Variants in TSC2 observed in about 807,000 individuals in gnomAD.
TSC2 encodes the protein tuberin.
TSC2 carries 29 observed loss-of-function variants against 202.2 expected under a neutral mutation model. The observed-to-expected ratio is 0.14, with a 90% CI of 0.11 to 0.20. TSC2 has a LOEUF of 0.20. TSC2 is among the 10% of genes least tolerant of loss of function. The probability of loss-of-function intolerance (pLI) is 1.00; values close to 1 mark genes in which losing one functional copy is unlikely to be tolerated. For synonymous variants in TSC2, 1,349 were observed against 1,044.0 expected, an observed-to-expected ratio of 1.29 and a Z score of -5.63; for missense variants, 2,429 against 2,420.0, an observed-to-expected ratio of 1.00 and a Z score of -0.08.
intron 16 of TSC2, among the ~76,000 whole-genome samples, chr16:2,070,192 C>G (rs1170989336): frequency 2.0e-5 from 3 of 152,204 alleles, no homozygotes; most frequent in Non-Finnish European, 4.4e-5. Flanking sequence ...TCTGCCCTGT[C>G]TGCCACGCAG....
intron 8 of TSC2, 115 bp downstream of exon 8, chr16:2,056,884 T>C: frequency 6.5e-7 from 1 of 1,530,216 alleles, no homozygotes. Context: ...CAATGGCCTG[T>C]TGAGGGACGG....
At position 2,076,535 on chromosome 16, in the gene TSC2, G is replaced by T. The variant is rs968144525; in HGVS notation, c.2787G>T (p.Glu929Asp). ...TCTTGTCTTTTGATGACACCCCCGA[G>T]AAGGACAGCTTCAGGGCCCGGAGTA... ...NVLLSFDDTP[E>D]KDSFRARSTS... Residue 929 changes from glutamate to aspartate, a missense_variant, in exon 25 of 42, where the codon GAG becomes GAT. Coordinates refer to ENST00000219476, the MANE Select transcript of TSC2 (RefSeq NM_000548.5). 2 of 1,613,468 alleles carry T rather than the reference G, an allele frequency of 1.2e-6. No homozygotes were observed. Among genetic ancestry groups the T allele is most frequent in the Non-Finnish European group, 1.7e-6 (2 of 1,180,006 alleles).
chr16:2,074,304 C>T lies in TSC2; in HGVS notation c.2460C>T (p.Ile820=), dbSNP rs2151352359. ...GCGTGGAGATGCCTGACATCATCATCAAGGCGCTGCCTGTTCTGGTGGTGA... is the reference window on the plus strand; with the variant it reads ...GCGTGGAGATGCCTGACATCATCATTAAGGCGCTGCCTGTTCTGGTGGTGA... ...ICSVEMPDII[I]KALPVLVVKL... Residue 820 remains isoleucine (I), a synonymous_variant, in exon 22 of 42, where the codon ATC becomes ATT. Coordinates refer to ENST00000219476, the MANE Select transcript of TSC2 (RefSeq NM_000548.5). 1 of 1,613,194 alleles carries T rather than the reference C, an allele frequency of 6.2e-7. No individual in the cohort carries two copies. Among genetic ancestry groups the T allele is most frequent in the South Asian group, 1.1e-5 (1 of 91,074 alleles).
rs866551237 is a variant in TSC2 at position 2,080,432 on chromosome 16, G to A, written c.3610+55G>A. 3.1e-5 allele frequency: 50 copies of A among 1,595,716 alleles called. No homozygotes were observed. The Middle Eastern group carries it at 1.1e-3, about 36-fold the overall frequency. On this transcript the variant is annotated intron_variant, in intron 30 of 41. Coordinates refer to ENST00000219476, the MANE Select transcript of TSC2 (RefSeq NM_000548.5). Reference sequence around the variant, plus strand: ...CTTTCTGCCAGTCACCCACAGAGCTGTGGACACTCAGGGGCGATTGCAGAC... The same window carrying A: ...CTTTCTGCCAGTCACCCACAGAGCTATGGACACTCAGGGGCGATTGCAGAC...
Position 2,079,446 on chromosome 16 carries a change from T to G in TSC2, c.3284+18T>G, listed in dbSNP as rs1280873987. On this transcript the variant is annotated intron_variant, in intron 28 of 41. Coordinates refer to ENST00000219476, the MANE Select transcript of TSC2 (RefSeq NM_000548.5). The surrounding 1 kb of genome is among the most constrained non-coding windows in gnomAD (Gnocchi z 4.6). ...GAGTCGAGGTGACTGCACCTTCCTT[T>G]CCTCCGCGCCTGCCAGCCTCGACAC... 2 of 1,612,458 alleles carry G rather than the reference T, an allele frequency of 1.2e-6. No individual in the cohort carries two copies. The highest frequency in any genetic ancestry group is 2.2e-5 in the East Asian group (1 of 44,878).
At position 2,084,566 on chromosome 16, in the gene TSC2, C is replaced by T. The variant is rs2090523818; in HGVS notation, c.4344C>T (p.Ser1448=). The part of the protein sequence containing the change: ...RGQPEGPLPS[S]SPRSPSGLRP... Reference sequence around the variant, plus strand: ...AGCCCGAGGGTCCCTTGCCTTCCAGCTCCCCCCGCTCGCCCAGTGGCCTCC... The same window carrying T: ...AGCCCGAGGGTCCCTTGCCTTCCAGTTCCCCCCGCTCGCCCAGTGGCCTCC... The change falls in exon 34 of 42, where the codon AGC becomes AGT. Residue 1448 remains serine (S), a synonymous_variant. Transcript: ENST00000219476. 1.9e-6 allele frequency: 3 copies of T among 1,607,934 alleles called. No homozygotes were observed. Among genetic ancestry groups the T allele is most frequent in the Non-Finnish European group, 2.5e-6 (3 of 1,179,666 alleles).
At chr16:2,056,336 G>A in intron 7 of TSC2, 92 bp downstream of exon 7, 1 of 1,555,118 alleles carries the variant, frequency 6.4e-7, no homozygotes, top group Non-Finnish European at 8.8e-7. Flanking sequence ...CCACCTGCTG[G>A]CTGTGTAGCC....
intron 1 of TSC2, 191 bp from the exon 2 acceptor site, chr16:2,048,396 G>T: frequency 2.3e-6 from 2 of 854,214 alleles, no homozygotes; most frequent in Middle Eastern, 2.4e-4. Context: ...ACCAGGCCTG[G>T]TGTCTCCCGG....
chr16:2,077,820 C>A, intron 26 of TSC2, 94 bp downstream of exon 26: 1 of 1,584,100 alleles, frequency 6.3e-7, no homozygotes, highest in African/African-American at 1.3e-5. Flanking sequence ...ATGACCTCAT[C>A]GTCTGCCCGT....
chr16:2,079,549 C>T lies in TSC2; in HGVS notation c.3285-8C>T, dbSNP rs751418785. The T allele has an allele frequency of 1.2e-6, 2 of 1,608,682 alleles. No homozygotes were observed. The highest frequency in any genetic ancestry group is 1.1e-5 in the South Asian group (1 of 90,386). On this transcript the variant is annotated splice_region_variant and splice_polypyrimidine_tract_variant and intron_variant, in intron 28 of 41. Transcript: ENST00000219476. The surrounding 1 kb of genome is among the most constrained non-coding windows in gnomAD (Gnocchi z 4.6). ...AAGTCCACCCTGTGCGTGGGATTCTCTTCTCAGCTCCAGCCCCGGGGTGCA... is the reference window on the plus strand; with the variant it reads ...AAGTCCACCCTGTGCGTGGGATTCTTTTCTCAGCTCCAGCCCCGGGGTGCA...
In TSC2 at chr16:2,051,302, G is replaced by A. The variant is rs184122266; in HGVS notation, c.225+816G>A. ...CCCACTGCACTCCAGTCTGGGTGACGGAGCAAGACTCTGTCTCAAAAAAAA... is the reference window on the plus strand; with the variant it reads ...CCCACTGCACTCCAGTCTGGGTGACAGAGCAAGACTCTGTCTCAAAAAAAA... On this transcript the variant is annotated intron_variant, in intron 3 of 41. Coordinates refer to ENST00000219476, the MANE Select transcript of TSC2 (RefSeq NM_000548.5). Among the ~76,000 whole-genome samples the A allele has an allele frequency of 1.7e-3, 253 of 151,526 alleles. 2 individuals carry two copies. Among genetic ancestry groups the A allele is most frequent in the Admixed American group, 4.4e-3 (67 of 15,222 alleles).
At chr16:2,073,242 G>A (rs1294232532) in intron 21 of TSC2, among the ~76,000 whole-genome samples, 3 of 152,188 alleles carry the variant, frequency 2.0e-5, no homozygotes, top group South Asian at 2.1e-4. Context: ...TCTGTAGAGC[G>A]TTGCCTGGCT....
chr16:2,064,242 C>T (rs377511786), intron 14 of TSC2, 30 bp from the exon 15 acceptor site: 22 of 1,613,648 alleles, frequency 1.4e-5, no homozygotes, highest in South Asian at 2.2e-5. Context: ...GTTGGGCTGG[C>T]GCTCATTGGC....
chr16:2,083,650 C>G (rs745642796), intron 32 of TSC2, 45 bp from the exon 33 acceptor site: 2 of 1,556,520 alleles, frequency 1.3e-6, no homozygotes, highest in Non-Finnish European at 1.7e-6. Context: ...AGGGCCAGGG[C>G]CTGGCCCAGC....
chr16:2,070,802 C>T (rs1280587854), intron 17 of TSC2, among the ~76,000 whole-genome samples: 2 of 152,216 alleles, frequency 1.3e-5, no homozygotes, highest in South Asian at 2.1e-4. Context: ...CGCACGGTGA[C>T]ATGGGTTGGG....
In TSC2 at chr16:2,088,738, G is replaced by C; in HGVS notation, c.*128G>C. 4 of 1,315,304 alleles carry C rather than the reference G, an allele frequency of 3.0e-6. No individual in the cohort carries two copies. The highest frequency in any genetic ancestry group is 2.5e-5 in the East Asian group (1 of 39,558). The allele number at this position is 1,315,304 out of a possible 1,614,324, so 81.5% of individuals were successfully genotyped here. ...GTCAGACAGCTCTTTTATTGACTTT[G>C]TCTGCTTGGTGCGGGGGTTGGGGGG... is the stretch of plus-strand genomic sequence containing the variant. On this transcript the variant is annotated 3_prime_UTR_variant, in exon 42 of 42. Coordinates refer to ENST00000219476, the MANE Select transcript of TSC2 (RefSeq NM_000548.5).
chr16:2,068,502 GCAGA>G (rs2087722224), intron 16 of TSC2: 1 of 152,316 alleles, frequency 6.6e-6, no homozygotes, highest in East Asian at 1.9e-4. Context: ...CTTGCTGATA[GCAGA>G]CAGTCTATTA....
chr16:2,056,224 G>A lies in TSC2; in HGVS notation c.628G>A (p.Ala210Thr), dbSNP rs147196739. The change falls in exon 7 of 42, where the codon GCG becomes ACG. Residue 210 changes from alanine to threonine, a missense_variant. Transcript: ENST00000219476. ...QMICLLCVRTASSVDIEVSLQ... is the reference protein window; with the variant it reads ...QMICLLCVRTTSSVDIEVSLQ... ...GATCTGTCTGCTGTGCGTCCGGACC[G>A]CGTCCTCTGTGGACATAGAGGTCAG... 1.9e-4 allele frequency: 307 copies of A among 1,613,894 alleles called. 1 individual carries two copies. The African/African-American group carries it at 2.7e-3, about 14-fold the overall frequency.
chr16:2,067,290 T>C (rs2087525638), intron 16 of TSC2, among the ~76,000 whole-genome samples: 1 of 151,998 alleles, frequency 6.6e-6, no homozygotes. Context: ...GCCTCCCAAG[T>C]AGCTGGGACC....
Sources: allele counts gnomAD v4.1 joint callset (sites outside exome capture counted in the v4.1 genomes callset), GRCh38; gene constraint gnomAD v4.1.1; non-coding constraint Gnocchi (gnomAD v3.1); transcripts MANE v1.5; gene names NCBI Gene and HGNC (gene_info 2026-07-23, HGNC 2026-07-21).